The following TTC33 variants were observed in gnomAD, a reference collection of about 807,000 sequenced individuals.
TTC33 encodes tetratricopeptide repeat domain 33, also known as tetratricopeptide repeat protein 33.
A neutral mutation model predicts 29.4 loss-of-function variants in TTC33; 24 were observed. The ratio of observed to expected loss-of-function variants is 0.82; its 90% confidence interval spans 0.59 to 1.15. The LOEUF (loss-of-function observed/expected upper bound fraction) is 1.15. Among genes scored for constraint, TTC33 ranks in the 50% most tolerant of loss-of-function variants. The pLI is 0.00. For synonymous variants in TTC33, 107 were observed against 100.3 expected (o/e 1.07, Z -0.40); for missense variants, 286 against 310.4 (o/e 0.92, Z 0.59).
At chr5:40,752,110 C>T (rs1457919080) in intron 1 of TTC33, among the ~76,000 whole-genome samples, 1 of 152,202 alleles carries the variant, frequency 6.6e-6, no homozygotes, top group South Asian at 2.1e-4. Flanking sequence ...ACAAACGAAC[C>T]TCTAGCAGTT....
rs868213427 is a variant in TTC33 at position 40,712,717 on chromosome 5, A to G, written c.*3428T>C. 3.9e-5 allele frequency among the ~76,000 whole-genome samples: 6 copies of G among 152,158 alleles called. No individual in the cohort carries two copies. Among genetic ancestry groups the G allele is most frequent in the African/African-American group, 7.2e-5 (3 of 41,442 alleles). On this transcript the variant is annotated 3_prime_UTR_variant, in exon 5 of 5. Transcript: ENST00000337702. ...AAAAGAGGCTAGCATGCCCAGTTCT[A>G]TATCTTAAACTCCCTCCTTTCCTGG...
rs1361634674 is a variant in TTC33, at chr5:40,712,475, C to A, written c.*3670G>T. 2.0e-5 allele frequency among the ~76,000 whole-genome samples: 3 copies of A among 152,096 alleles called. No homozygotes were observed. The highest frequency in any genetic ancestry group is 7.2e-5 in the African/African-American group (3 of 41,426). ...ATTTTAAGTTTACTGCTGAAAAAGGCTAGGTTAGAGGATGTACTTTAAGTT... is the reference window on the plus strand; with the variant it reads ...ATTTTAAGTTTACTGCTGAAAAAGGATAGGTTAGAGGATGTACTTTAAGTT... On this transcript the variant is annotated 3_prime_UTR_variant, in exon 5 of 5. Transcript: ENST00000337702.
chr5:40,720,783 C>T (rs1742114389), intron 4 of TTC33, among the ~76,000 whole-genome samples: 1 of 152,212 alleles, frequency 6.6e-6, no homozygotes, highest in Non-Finnish European at 1.5e-5. Context: ...AGGACACCCT[C>T]TCACCAGAAT....
At chr5:40,738,514 C>A (rs189419024) in intron 2 of TTC33, among the ~76,000 whole-genome samples, 12,547 of 75,978 alleles carry the variant, frequency 0.17, 1,294 homozygotes, top group East Asian at 0.27. Flanking sequence ...CAATAAAATA[C>A]AATAAAATAA....
intron 2 of TTC33, among the ~76,000 whole-genome samples, chr5:40,741,760 C>T (rs539624479): frequency 1.1e-3 from 164 of 152,220 alleles, no homozygotes; most frequent in Middle Eastern, 3.4e-3. Flanking sequence ...TGGCCAAGAA[C>T]GCCAGATTAC....
intron 4 of TTC33, among the ~76,000 whole-genome samples, chr5:40,721,180 G>C (rs1742123648): frequency 6.6e-6 from 1 of 152,214 alleles, no homozygotes; most frequent in Non-Finnish European, 1.5e-5. Flanking sequence ...CTGTAGTGGA[G>C]TACTGATGGA....
rs1275199312 is a variant in TTC33, at chr5:40,738,439, AAATAAAATACAATACAATAC to A, written c.222-8116_222-8097del. Among the ~76,000 whole-genome samples the A allele has an allele frequency of 5.4e-3, 650 of 119,794 alleles. 46 individuals carry two copies. Among genetic ancestry groups the A allele is most frequent in the South Asian group, 5.5e-3 (20 of 3,604 alleles). The allele number at this position is 119,794 out of a possible 152,430, so 78.6% of individuals were successfully genotyped here. A position where few individuals can be genotyped will look rare whatever the true frequency, so the allele number is the denominator to read the frequency against. On this transcript the variant is annotated intron_variant, in intron 2 of 4. Coordinates refer to ENST00000337702, the MANE Select transcript of TTC33 (RefSeq NM_012382.3). ...CAAAAATAAAATAAAATAAAATATA[AAATAAAATACAATACAATAC>A]AATACAATACAATACAATACAATAC...
In TTC33 at chr5:40,714,845, G is replaced by T. The variant is rs911390665; in HGVS notation, c.*1300C>A. 1 of 152,122 alleles carries T rather than the reference G, an allele frequency of 6.6e-6. No individual in the cohort carries two copies. The highest frequency in any genetic ancestry group is 1.5e-5 in the Non-Finnish European group (1 of 67,948). The allele number at this position is 152,122 out of a possible 1,614,324, so 9.4% of individuals were successfully genotyped here. On this transcript the variant is annotated 3_prime_UTR_variant, in exon 5 of 5. Coordinates refer to ENST00000337702, the MANE Select transcript of TTC33 (RefSeq NM_012382.3). Reference sequence around the variant, plus strand: ...TAGTAAGATCTTTAACATAAAGTGGGCTACTTTCATCTCTAACAAAGATAA... The same window carrying T: ...TAGTAAGATCTTTAACATAAAGTGGTCTACTTTCATCTCTAACAAAGATAA...
chr5:40,738,142 TG>T (rs1448083013), intron 2 of TTC33, among the ~76,000 whole-genome samples: 3 of 152,186 alleles, frequency 2.0e-5, no homozygotes, highest in Non-Finnish European at 4.4e-5. Flanking sequence ...CCAGGCACAG[TG>T]GCTCATGCCT....
chr5:40,728,333 T>C lies in TTC33; in HGVS notation c.435+12A>G, dbSNP rs770173684. ...TTAAAATTTCTGCATTATAATAATC[T>C]GACTTCCTCACCAGGATTATCTCTC... On this transcript the variant is annotated intron_variant, in intron 4 of 4. Coordinates refer to ENST00000337702, the MANE Select transcript of TTC33 (RefSeq NM_012382.3). The C allele has an allele frequency of 1.3e-6, 2 of 1,549,926 alleles. No homozygotes were observed. Among genetic ancestry groups the C allele is most frequent in the Non-Finnish European group, 1.7e-6 (2 of 1,149,778 alleles).
chr5:40,730,038 C>CTAA (rs1742386215), intron 3 of TTC33, among the ~76,000 whole-genome samples: 1 of 152,128 alleles, frequency 6.6e-6, no homozygotes, highest in African/African-American at 2.4e-5. Flanking sequence ...TCCTATCTTA[C>CTAA]AATAGTTAGG....
chr5:40,745,628 A>G (rs1012433865), intron 2 of TTC33, among the ~76,000 whole-genome samples: 2 of 151,768 alleles, frequency 1.3e-5, no homozygotes, highest in Non-Finnish European at 2.9e-5. Context: ...GGCTCAAGCA[A>G]TCTTCCTGCC....
At chr5:40,726,807 T>C (rs1742299011) in intron 4 of TTC33, among the ~76,000 whole-genome samples, 1 of 152,080 alleles carries the variant, frequency 6.6e-6, no homozygotes, top group Non-Finnish European at 1.5e-5. Context: ...AAAGAGATAG[T>C]GATGTATAAA....
In TTC33 at chr5:40,715,483, T is replaced by C. The variant is rs1335765246; in HGVS notation, c.*662A>G. 6.6e-6 allele frequency: 1 copy of C among 152,446 alleles called. No homozygotes were observed. The highest frequency in any genetic ancestry group is 2.1e-4 in the South Asian group (1 of 4,832). 9.4% of individuals were successfully genotyped at this position (152,446 alleles called of 1,614,324 possible). A position where few individuals can be genotyped will look rare whatever the true frequency, so the allele number is the denominator to read the frequency against. ...ATCATTCTCATATTTATCAATACTTTACACTTTTACCAAATACTGAAGGAG... is the reference window on the plus strand; with the variant it reads ...ATCATTCTCATATTTATCAATACTTCACACTTTTACCAAATACTGAAGGAG... On this transcript the variant is annotated 3_prime_UTR_variant, in exon 5 of 5. Transcript: ENST00000337702.
chr5:40,747,074 T>G, intron 1 of TTC33, 55 bp from the exon 2 acceptor site: 1 of 1,485,840 alleles, frequency 6.7e-7, no homozygotes, highest in Non-Finnish European at 9.2e-7. Flanking sequence ...TTTTTTTTTT[T>G]TGAGATGGAG....
chr5:40,741,890 G>A (rs913092784), intron 2 of TTC33, among the ~76,000 whole-genome samples: 4 of 152,254 alleles, frequency 2.6e-5, no homozygotes, highest in Non-Finnish European at 4.4e-5. Context: ...TCAGGAGGCT[G>A]AGGCAGGAGA....
At position 40,714,410 on chromosome 5, in the gene TTC33, C is replaced by T. The variant is rs1165379204; in HGVS notation, c.*1735G>A. 3 of 152,086 alleles carry T rather than the reference C, an allele frequency of 2.0e-5. No individual in the cohort carries two copies. The highest frequency in any genetic ancestry group is 6.6e-5 in the Admixed American group (1 of 15,248). The allele number at this position is 152,086 out of a possible 1,614,324, so 9.4% of individuals were successfully genotyped here. ...ATATATTAAGTTCATATAAGAAAGACACTAAGTAGATCAATCTAATTTTTC... is the reference window on the plus strand; with the variant it reads ...ATATATTAAGTTCATATAAGAAAGATACTAAGTAGATCAATCTAATTTTTC... On this transcript the variant is annotated 3_prime_UTR_variant, in exon 5 of 5. Coordinates refer to ENST00000337702, the MANE Select transcript of TTC33 (RefSeq NM_012382.3).
intron 4 of TTC33, among the ~76,000 whole-genome samples, chr5:40,724,195 A>G (rs1054380080): frequency 6.6e-6 from 1 of 152,360 alleles, no homozygotes; most frequent in East Asian, 1.9e-4. Context: ...TTCAGCTTCA[A>G]AAAAGAAGCA....
Position 40,747,033 on chromosome 5 carries a change from A to G in TTC33, c.-1-14T>C. 4 of 1,595,150 alleles carry G rather than the reference A, an allele frequency of 2.5e-6. No homozygotes were observed. The highest frequency in any genetic ancestry group is 3.4e-6 in the Non-Finnish European group (4 of 1,173,110). ...AAGGAAGCCATTCTGGAAAATTACA[A>G]AGAAACAGCTTTAAAATTCTAACTT... is the stretch of plus-strand genomic sequence containing the variant. On this transcript the variant is annotated splice_polypyrimidine_tract_variant and intron_variant, in intron 1 of 4. Coordinates refer to ENST00000337702, the MANE Select transcript of TTC33 (RefSeq NM_012382.3).
Sources: allele counts gnomAD v4.1 joint callset (sites outside exome capture counted in the v4.1 genomes callset), GRCh38; gene constraint gnomAD v4.1.1; transcripts MANE v1.5; gene names NCBI Gene and HGNC (gene_info 2026-07-23, HGNC 2026-07-21).